Variants in ULK4 observed in about 807,000 individuals in gnomAD.
ULK4 encodes the protein unc-51 like kinase 4.
Under a neutral mutation model 160.6 loss-of-function variants are expected in ULK4, and 133 were observed. That is an observed-to-expected ratio of 0.83 (90% CI 0.72 to 0.96). The LOEUF (loss-of-function observed/expected upper bound fraction) is 0.96. Ranked by LOEUF, ULK4 falls within the 40% of genes least tolerant of loss-of-function variation. The probability of loss-of-function intolerance (pLI) is 0.00; values close to 1 mark genes in which losing one functional copy is unlikely to be tolerated. For missense variants in ULK4, 1,580 were observed against 1,499.5 expected (o/e 1.05, Z -0.89); for synonymous variants, 534 against 539.8 (o/e 0.99, Z 0.15).
At chr3:41,709,890 T>G (rs1232299174) in intron 25 of ULK4, among the ~76,000 whole-genome samples, 1 of 152,164 alleles carries the variant, frequency 6.6e-6, no homozygotes, top group East Asian at 1.9e-4. Flanking sequence ...CACAGAGTAG[T>G]GTACGTAACA....
intron 35 of ULK4, among the ~76,000 whole-genome samples, chr3:41,268,631 C>T (rs773276331): frequency 3.3e-5 from 5 of 151,930 alleles, no homozygotes; most frequent in Admixed American, 6.6e-5. Flanking sequence ...CATGGTGAAA[C>T]CCCATCTCTA....
chr3:41,437,913 GAGA>G (rs1175001800), intron 34 of ULK4, among the ~76,000 whole-genome samples: 4 of 152,126 alleles, frequency 2.6e-5, no homozygotes, highest in Non-Finnish European at 5.9e-5. Context: ...CCTGGAGGAA[GAGA>G]AGGCCAGTGA....
intron 31 of ULK4, among the ~76,000 whole-genome samples, chr3:41,586,038 C>T (rs2030774359): frequency 6.6e-6 from 1 of 152,154 alleles, no homozygotes; most frequent in African/African-American, 2.4e-5. Context: ...AACCCCTGTA[C>T]ACTGTTAGTG....
At chr3:41,506,818 T>A in intron 32 of ULK4, among the ~76,000 whole-genome samples, 1 of 94,218 alleles carries the variant, frequency 1.1e-5, no homozygotes, top group Non-Finnish European at 2.0e-5. Context: ...GAACATGTTT[T>A]ACAATTATTT....
At chr3:41,730,744 G>C (rs2037794591) in intron 22 of ULK4, among the ~76,000 whole-genome samples, 1 of 152,136 alleles carries the variant, frequency 6.6e-6, no homozygotes, top group African/African-American at 2.4e-5. Context: ...AGACAAAGAA[G>C]TCTTTCAAAC....
At chr3:41,390,696 T>C (rs111445167) in intron 35 of ULK4, among the ~76,000 whole-genome samples, 4,815 of 152,174 alleles carry the variant, frequency 0.032, 228 homozygotes, top group African/African-American at 0.097. Flanking sequence ...TTTCTTAATC[T>C]TGAGTTCTAG....
At chr3:41,324,839 CTT>C (rs965301234) in intron 35 of ULK4, among the ~76,000 whole-genome samples, 7 of 152,192 alleles carry the variant, frequency 4.6e-5, no homozygotes, top group African/African-American at 9.6e-5. Context: ...AGGAGAGTCT[CTT>C]TTGGTTTTCT....
At chr3:41,646,474 G>A (rs13315537) in intron 30 of ULK4, among the ~76,000 whole-genome samples, 26,964 of 152,102 alleles carry the variant, frequency 0.18, 2,511 homozygotes, top group South Asian at 0.23. Context: ...CTGGATATGA[G>A]ATTCTGGGTT....
intron 35 of ULK4, among the ~76,000 whole-genome samples, chr3:41,386,226 T>C (rs1305113801): frequency 1.3e-5 from 2 of 152,200 alleles, no homozygotes; most frequent in East Asian, 3.8e-4. Flanking sequence ...ATATACATAT[T>C]CCTTTTTTTA....
At chr3:41,702,877 T>TG (rs2036727645) in intron 27 of ULK4, among the ~76,000 whole-genome samples, 2 of 143,076 alleles carry the variant, frequency 1.4e-5, no homozygotes, top group Non-Finnish European at 1.5e-5. Context: ...TTTTTTGAGA[T>TG]GGAGTTTCGC....
intron 34 of ULK4, among the ~76,000 whole-genome samples, chr3:41,440,831 G>C (rs2083148664): frequency 6.6e-6 from 1 of 152,010 alleles, no homozygotes. Context: ...AATAGACACA[G>C]GGTTATTCAG....
intron 32 of ULK4, among the ~76,000 whole-genome samples, chr3:41,537,494 A>G (rs2086543881): frequency 6.6e-6 from 1 of 152,152 alleles, no homozygotes; most frequent in Non-Finnish European, 1.5e-5. Context: ...ATGAGTCCTA[A>G]AAAGTCCTAT....
At chr3:41,827,499 C>T (rs2041404672) in intron 18 of ULK4, among the ~76,000 whole-genome samples, 1 of 152,044 alleles carries the variant, frequency 6.6e-6, no homozygotes, top group Non-Finnish European at 1.5e-5. Flanking sequence ...TACAAACTAC[C>T]ATCAGAGAAT....
rs989441454 is a variant in ULK4 at position 41,862,960 on chromosome 3, C to T, written c.1656+20914G>A. On this transcript the variant is annotated intron_variant, in intron 17 of 36. Transcript: ENST00000301831. ...GCCTGCTATAACCACTCCCTAGCTACTGCTTATGTTCGCTCAAGGCCCTAG... is the reference window on the plus strand; with the variant it reads ...GCCTGCTATAACCACTCCCTAGCTATTGCTTATGTTCGCTCAAGGCCCTAG... Among the ~76,000 whole-genome samples, 3 of 152,286 alleles carry T rather than the reference C, an allele frequency of 2.0e-5. No individual in the cohort carries two copies. In the South Asian group the frequency reaches 6.2e-4, roughly 32 times the overall value.
intron 35 of ULK4, among the ~76,000 whole-genome samples, chr3:41,394,944 C>T (rs913656974): frequency 1.3e-5 from 2 of 152,064 alleles, no homozygotes; most frequent in African/African-American, 4.8e-5. Context: ...GTTAGAGTGA[C>T]CTTCACAGGT....
Position 41,460,321 on chromosome 3 carries a change from A to C in ULK4, c.3393+2766T>G, listed in dbSNP as rs113286718. 7.0e-4 allele frequency among the ~76,000 whole-genome samples: 106 copies of C among 152,302 alleles called. 1 individual carries two copies. The highest frequency in any genetic ancestry group is 2.5e-3 in the African/African-American group (103 of 41,568). On this transcript the variant is annotated intron_variant, in intron 33 of 36. Transcript: ENST00000301831. ...CAGGTGACCTGAATTAGAATAATAAATATTTGTCTTCCCTAGAAAAGCCCT... is the reference window on the plus strand; with the variant it reads ...CAGGTGACCTGAATTAGAATAATAACTATTTGTCTTCCCTAGAAAAGCCCT...
At chr3:41,437,121 T>C (rs2083054307) in intron 34 of ULK4, among the ~76,000 whole-genome samples, 1 of 152,172 alleles carries the variant, frequency 6.6e-6, no homozygotes, top group Admixed American at 6.5e-5. Flanking sequence ...TAGTCTCCAC[T>C]CAACAGAACA....
At position 41,398,665 on chromosome 3, in the gene ULK4, T is replaced by G. The variant is rs575310214; in HGVS notation, c.3493-401A>C. Among the ~76,000 whole-genome samples the G allele has an allele frequency of 3.9e-4, 59 of 152,070 alleles. 1 individual carries two copies. In the South Asian group the frequency reaches 0.012, roughly 30 times the overall value. On this transcript the variant is annotated intron_variant, in intron 34 of 36. Coordinates refer to ENST00000301831, the MANE Select transcript of ULK4 (RefSeq NM_017886.4). ...CCTCAGCCTCCCAAAGTGCTGGGATTACAGGCATGAGCCACTGCGCCTGGC... is the reference window on the plus strand; with the variant it reads ...CCTCAGCCTCCCAAAGTGCTGGGATGACAGGCATGAGCCACTGCGCCTGGC...
chr3:41,468,627 G>C (rs2083894570), intron 32 of ULK4, among the ~76,000 whole-genome samples: 1 of 152,136 alleles, frequency 6.6e-6, no homozygotes, highest in Admixed American at 6.5e-5. Flanking sequence ...CACCTGTGTG[G>C]TTTATGGAAC....
Sources: allele counts gnomAD v4.1 joint callset (sites outside exome capture counted in the v4.1 genomes callset), GRCh38; gene constraint gnomAD v4.1.1; transcripts MANE v1.5; gene names NCBI Gene and HGNC (gene_info 2026-07-23, HGNC 2026-07-21).